SCAPER: variants seen among roughly 807,000 people sequenced by gnomAD.
SCAPER encodes S-phase cyclin A associated protein in the ER.
Under a neutral mutation model 182.2 loss-of-function variants are expected in SCAPER, and 98 were observed. The observed-to-expected ratio is 0.54, with a 90% confidence interval of 0.46 to 0.64. SCAPER has a LOEUF of 0.64. Ranked by LOEUF, SCAPER falls within the 30% of genes least tolerant of loss-of-function variation. The pLI is 0.00. For synonymous variants in SCAPER, 605 were observed against 564.6 expected (o/e 1.07, Z -1.01); for missense variants, 1,432 against 1,690.0 (o/e 0.85, Z 2.68).
intron 2 of SCAPER, among the ~76,000 whole-genome samples, chr15:76,879,019 G>A (rs1307951795): frequency 1.3e-5 from 2 of 152,172 alleles, no homozygotes; most frequent in South Asian, 2.1e-4. Flanking sequence ...ATACACTACC[G>A]ACAGGAAATG....
chr15:76,702,925 T>C lies in SCAPER; in HGVS notation c.2325A>G (p.Arg775=), dbSNP rs1030041442. The change falls in exon 19 of 32, where the codon CGA becomes CGG. Residue 775 remains arginine, a synonymous_variant. Transcript: ENST00000563290. ...KEKAAELSSG[R]HANTDYAPKL... ...TGGGGGCATAATCAGTATTTGCATG[T>C]CGCCCACTGCTTAGCTCAGCAGCTT... 4 of 1,611,360 alleles carry C rather than the reference T, an allele frequency of 2.5e-6. No homozygotes were observed. The highest frequency in any genetic ancestry group is 2.2e-5 in the East Asian group (1 of 44,742).
At chr15:76,886,595 G>A (rs1417937457) in intron 1 of SCAPER, among the ~76,000 whole-genome samples, 1 of 152,244 alleles carries the variant, frequency 6.6e-6, no homozygotes, top group African/African-American at 2.4e-5. Flanking sequence ...GTGGAAGATA[G>A]TGTGGTGATT....
intron 17 of SCAPER, among the ~76,000 whole-genome samples, chr15:76,708,104 C>G (rs1342885591): frequency 6.6e-6 from 1 of 152,046 alleles, no homozygotes; most frequent in Non-Finnish European, 1.5e-5. Flanking sequence ...GTTCAAATCC[C>G]TTATAAAAAA....
At chr15:76,641,698 G>T (rs1005858862) in intron 21 of SCAPER, among the ~76,000 whole-genome samples, 1 of 152,168 alleles carries the variant, frequency 6.6e-6, no homozygotes, top group South Asian at 2.1e-4. Context: ...AAGAAAAGGA[G>T]GCACTGGGGG....
chr15:76,460,723 G>A (rs891826186), intron 25 of SCAPER, among the ~76,000 whole-genome samples: 4 of 151,998 alleles, frequency 2.6e-5, no homozygotes, highest in East Asian at 1.9e-4. Context: ...CCATTCTTCA[G>A]ACTACATTAA....
intron 29 of SCAPER, among the ~76,000 whole-genome samples, chr15:76,369,458 G>A (rs1341089232): frequency 7.2e-5 from 11 of 152,230 alleles, no homozygotes; most frequent in Non-Finnish European, 1.5e-5. Context: ...TGCCAGTGGT[G>A]AGGCTGGGCT....
At position 76,905,336 on chromosome 15, in the gene SCAPER, G is replaced by A. The variant is rs942933832; in HGVS notation, c.-97C>T. On this transcript the variant is annotated 5_prime_UTR_variant, in exon 1 of 32. The change creates a new upstream start codon in the 5' untranslated region. Coordinates refer to ENST00000563290, the MANE Select transcript of SCAPER (RefSeq NM_020843.4). Reference sequence around the variant, plus strand: ...TGCTTAGTTCGGGGCGGCTCAAAGCGTCCCGCCGGGAAAGGGGCGTGACGG... The same window carrying A: ...TGCTTAGTTCGGGGCGGCTCAAAGCATCCCGCCGGGAAAGGGGCGTGACGG... 1.7e-5 allele frequency: 4 copies of A among 235,386 alleles called. No individual in the cohort carries two copies. Among genetic ancestry groups the A allele is most frequent in the South Asian group, 3.5e-5 (1 of 28,844 alleles). 14.6% of individuals were successfully genotyped at this position (235,386 alleles called of 1,614,324 possible). A position where few individuals can be genotyped will look rare whatever the true frequency, so the allele number is the denominator to read the frequency against.
rs899738494 is a variant in SCAPER, at chr15:76,394,722, C to T, written c.3467+9802G>A. ...TGTTTTTAAAATTTTTGTGGGTACACAGTAGGTATACATATTTATGGGATA... is the reference window on the plus strand; with the variant it reads ...TGTTTTTAAAATTTTTGTGGGTACATAGTAGGTATACATATTTATGGGATA... On this transcript the variant is annotated intron_variant, in intron 27 of 31. Coordinates refer to ENST00000563290, the MANE Select transcript of SCAPER (RefSeq NM_020843.4). Among the ~76,000 whole-genome samples the T allele has an allele frequency of 6.6e-5, 10 of 152,248 alleles. No homozygotes were observed. The East Asian group carries it at 1.2e-3, about 18-fold the overall frequency.
chr15:76,606,338 A>C (rs984798699), intron 22 of SCAPER, among the ~76,000 whole-genome samples: 4 of 152,146 alleles, frequency 2.6e-5, no homozygotes, highest in African/African-American at 9.7e-5. Flanking sequence ...GTTTTGAGTG[A>C]GTTTCTTAAC....
chr15:76,353,766 G>A (rs778268003), intron 30 of SCAPER, among the ~76,000 whole-genome samples, 183 bp downstream of exon 30: 22 of 152,016 alleles, frequency 1.4e-4, no homozygotes, highest in Non-Finnish European at 2.8e-4. Flanking sequence ...ACACCCAATC[G>A]CAGTTCCAGT....
intron 14 of SCAPER, among the ~76,000 whole-genome samples, chr15:76,762,868 G>A (rs2062875659): frequency 6.6e-6 from 1 of 152,086 alleles, no homozygotes; most frequent in Non-Finnish European, 1.5e-5. Flanking sequence ...TGTCGTCCAG[G>A]CTGGTGTGAG....
chr15:76,497,467 A>C (rs1473912138), intron 24 of SCAPER, among the ~76,000 whole-genome samples: 3 of 152,158 alleles, frequency 2.0e-5, no homozygotes, highest in Non-Finnish European at 4.4e-5. Context: ...TGTAATGCCT[A>C]GAACAAGTAG....
chr15:76,400,212 G>A (rs905950861), intron 27 of SCAPER, among the ~76,000 whole-genome samples: 1 of 152,140 alleles, frequency 6.6e-6, no homozygotes, highest in African/African-American at 2.4e-5. Context: ...CATCACAAGA[G>A]GCAATTTTTG....
chr15:76,348,756 G>C lies in SCAPER; in HGVS notation c.4100-20C>G. 7.1e-7 allele frequency: 1 copy of C among 1,406,610 alleles called. No individual in the cohort carries two copies. Among genetic ancestry groups the C allele is most frequent in the Non-Finnish European group, 9.5e-7 (1 of 1,047,120 alleles). The allele number at this position is 1,406,610 out of a possible 1,614,324, so 87.1% of individuals were successfully genotyped here. On this transcript the variant is annotated intron_variant, in intron 31 of 31. Coordinates refer to ENST00000563290, the MANE Select transcript of SCAPER (RefSeq NM_020843.4). ...ATTTCCCTGAGAGGGGGATAAAAGA[G>C]AAAAAAGTTAAATAAAAGAGGGTTA...
intron 23 of SCAPER, among the ~76,000 whole-genome samples, chr15:76,524,689 G>GTTTTTTTTTTTTTTTTTTTTT (rs35944222): frequency 1.2e-4 from 6 of 50,116 alleles, no homozygotes; most frequent in Non-Finnish European, 1.8e-4. Flanking sequence ...TTTTTGTTCT[G>GTTTTTTTTTTTTTTTTTTTTT]TTTTTTTTTT....
At chr15:76,530,328 T>C (rs1316011544) in intron 23 of SCAPER, among the ~76,000 whole-genome samples, 1 of 152,210 alleles carries the variant, frequency 6.6e-6, no homozygotes, top group Non-Finnish European at 1.5e-5. Context: ...ACCACATGAC[T>C]CCTTGGTTTT....
chr15:76,429,865 T>C (rs1344162884), intron 26 of SCAPER, among the ~76,000 whole-genome samples: 1 of 152,036 alleles, frequency 6.6e-6, no homozygotes, highest in Non-Finnish European at 1.5e-5. Flanking sequence ...ATGAGGAAAA[T>C]GTCGCCAGGG....
chr15:76,503,423 T>G (rs975996028), intron 24 of SCAPER, among the ~76,000 whole-genome samples: 1 of 152,222 alleles, frequency 6.6e-6, no homozygotes, highest in African/African-American at 2.4e-5. Flanking sequence ...ATACCATTCT[T>G]CATTAATCTT....
chr15:76,556,470 C>T (rs1486488855), intron 23 of SCAPER, among the ~76,000 whole-genome samples: 7 of 152,046 alleles, frequency 4.6e-5, no homozygotes, highest in Non-Finnish European at 8.8e-5. Context: ...AATACAATTG[C>T]TAGATCACTA....
Sources: allele counts gnomAD v4.1 joint callset (sites outside exome capture counted in the v4.1 genomes callset), GRCh38; gene constraint gnomAD v4.1.1; transcripts MANE v1.5; gene names NCBI Gene and HGNC (gene_info 2026-07-23, HGNC 2026-07-21).